ADCK1: variants seen among roughly 807,000 people sequenced by gnomAD.
ADCK1 encodes the protein aarF domain containing kinase 1.
In ADCK1, 41 loss-of-function variants were observed where a neutral mutation model predicts 52.3. That is an observed-to-expected ratio of 0.78 (90% confidence interval 0.61 to 1.02). ADCK1 has a LOEUF of 1.02. ADCK1 is among the 50% of genes least tolerant of loss of function. ADCK1 has a pLI of 0.00. For missense variants in ADCK1, 658 were observed against 679.5 expected (o/e 0.97, Z 0.35); for synonymous variants, 250 against 274.6 (o/e 0.91, Z 0.89).
intron 1 of ADCK1, among the ~76,000 whole-genome samples, chr14:77,810,944 G>A (rs1225707680): frequency 6.6e-6 from 1 of 151,998 alleles, no homozygotes; most frequent in Non-Finnish European, 1.5e-5. Context: ...GAAGAAGGAA[G>A]CTGTGTAAGG....
intron 7 of ADCK1, among the ~76,000 whole-genome samples, chr14:77,912,395 C>T (rs1165358160): frequency 1.3e-5 from 2 of 151,342 alleles, no homozygotes; most frequent in African/African-American, 4.9e-5. Flanking sequence ...CTCTTACCAA[C>T]TAACATCAAA....
intron 1 of ADCK1, among the ~76,000 whole-genome samples, chr14:77,809,986 C>T (rs1452804697): frequency 4.3e-5 from 6 of 139,318 alleles, no homozygotes; most frequent in African/African-American, 1.1e-4. Context: ...TGCAGTGAGC[C>T]GAGATCATAC....
chr14:77,803,084 G>C (rs1443462961), intron 1 of ADCK1, among the ~76,000 whole-genome samples: 1 of 152,144 alleles, frequency 6.6e-6, no homozygotes, highest in Admixed American at 6.5e-5. Context: ...CATCTTTCCA[G>C]ACTTGAGGCA....
intron 3 of ADCK1, among the ~76,000 whole-genome samples, chr14:77,835,412 G>T (rs1392732700): frequency 2.0e-5 from 3 of 152,130 alleles, no homozygotes. Context: ...CAGTATTTTG[G>T]ATTCATTGTT....
intron 3 of ADCK1, among the ~76,000 whole-genome samples, chr14:77,839,066 C>A (rs8018674): frequency 0.71 from 107,633 of 152,096 alleles, 38,284 homozygotes; most frequent in Admixed American, 0.75. Flanking sequence ...CAGGAAATCA[C>A]TGTGGGTCTA....
intron 3 of ADCK1, among the ~76,000 whole-genome samples, chr14:77,852,650 TAA>T (rs2082307926): frequency 4.4e-5 from 1 of 22,598 alleles, no homozygotes; most frequent in Non-Finnish European, 8.8e-5. Context: ...ATTATTTCTT[TAA>T]ATAAATAAAT....
intron 1 of ADCK1, 124 bp from the exon 2 acceptor site, chr14:77,818,844 G>T (rs2081519470): frequency 5.3e-6 from 6 of 1,124,192 alleles, no homozygotes; most frequent in Non-Finnish European, 6.3e-6. Flanking sequence ...AGAAACTAAG[G>T]CTCAGTGAGA....
At chr14:77,914,668 C>T (rs1426110096) in intron 7 of ADCK1, 2 of 859,264 alleles carry the variant, frequency 2.3e-6, no homozygotes, top group Non-Finnish European at 1.4e-6. Context: ...GCAACATCCT[C>T]TGAGTGTGAG....
chr14:77,887,297 C>G, intron 5 of ADCK1, 48 bp downstream of exon 5: 1 of 1,492,978 alleles, frequency 6.7e-7, no homozygotes. Flanking sequence ...CTACATTTCC[C>G]TGGGATCCAG....
chr14:77,834,476 C>T (rs893201225), intron 3 of ADCK1, among the ~76,000 whole-genome samples: 1 of 152,234 alleles, frequency 6.6e-6, no homozygotes, highest in African/African-American at 2.4e-5. Context: ...CGGCTCTTCT[C>T]TTTTCCTAGC....
At chr14:77,866,503 TG>T (rs1282016633) in intron 4 of ADCK1, among the ~76,000 whole-genome samples, 1 of 152,094 alleles carries the variant, frequency 6.6e-6, no homozygotes, top group Non-Finnish European at 1.5e-5. Flanking sequence ...GGGGGTTACC[TG>T]GGGGGCAGCT....
At chr14:77,890,875 T>G (rs560995579) in intron 5 of ADCK1, among the ~76,000 whole-genome samples, 1 of 152,212 alleles carries the variant, frequency 6.6e-6, no homozygotes, top group South Asian at 2.1e-4. Flanking sequence ...CTGAGGAGAC[T>G]TCAGTGGAAT....
chr14:77,852,898 TA>T lies in ADCK1; in HGVS notation c.220-6177del, dbSNP rs1566667886. On this transcript the variant is annotated intron_variant, in intron 3 of 10. Transcript: ENST00000238561. The stretch of plus-strand genomic sequence containing the variant: ...TTTTATGTGTGTATATATATATATA[TA>T]TATATATATTTTTTTTTTTTTTTTT... Among the ~76,000 whole-genome samples the T allele has an allele frequency of 5.5e-3, 234 of 42,222 alleles. 6 individuals are homozygous for T. The highest frequency in any genetic ancestry group is 0.026 in the African/African-American group (222 of 8,630). The allele number at this position is 42,222 out of a possible 152,430, so 27.7% of individuals were successfully genotyped here. A position where few individuals can be genotyped will look rare whatever the true frequency, so the allele number is the denominator to read the frequency against.
chr14:77,854,704 C>G (rs1412365577), intron 3 of ADCK1, among the ~76,000 whole-genome samples: 1 of 151,914 alleles, frequency 6.6e-6, no homozygotes, highest in African/African-American at 2.4e-5. Context: ...TTGCAGGTGC[C>G]CTCCTCCATG....
chr14:77,886,589 G>A (rs1471708151), intron 4 of ADCK1, among the ~76,000 whole-genome samples: 2 of 152,122 alleles, frequency 1.3e-5, no homozygotes, highest in Non-Finnish European at 2.9e-5. Context: ...AGCAGTGGAG[G>A]ACCAGGCAAG....
At chr14:77,805,249 A>G (rs1289535872) in intron 1 of ADCK1, among the ~76,000 whole-genome samples, 1 of 98,148 alleles carries the variant, frequency 1.0e-5, no homozygotes, top group Non-Finnish European at 2.1e-5. Context: ...TTGGCTTTGC[A>G]TTCTTTTTTT....
chr14:77,828,165 T>C (rs1255375153), intron 3 of ADCK1, among the ~76,000 whole-genome samples: 2 of 152,166 alleles, frequency 1.3e-5, no homozygotes, highest in African/African-American at 4.8e-5. Context: ...GGTTTCACCA[T>C]GTTGGCCAGT....
At chr14:77,846,629 C>T (rs1043061097) in intron 3 of ADCK1, among the ~76,000 whole-genome samples, 1 of 152,198 alleles carries the variant, frequency 6.6e-6, no homozygotes, top group Non-Finnish European at 1.5e-5. Flanking sequence ...AACAGAGACC[C>T]TCTAGTGATC....
intron 3 of ADCK1, among the ~76,000 whole-genome samples, chr14:77,855,006 A>G (rs899703745): frequency 2.6e-5 from 4 of 152,206 alleles, no homozygotes; most frequent in Non-Finnish European, 5.9e-5. Flanking sequence ...CTCCCATGCC[A>G]ACTAACCAGT....
Sources: allele counts gnomAD v4.1 joint callset (sites outside exome capture counted in the v4.1 genomes callset), GRCh38; gene constraint gnomAD v4.1.1; transcripts MANE v1.5; gene names NCBI Gene and HGNC (gene_info 2026-07-23, HGNC 2026-07-21).